Variants in TNFSF4 observed in about 807,000 individuals in gnomAD.
TNFSF4 encodes the protein TNF superfamily member 4.
Under a neutral mutation model 7.3 loss-of-function variants are expected in TNFSF4, and 4 were observed. That is an observed-to-expected ratio of 0.55 (90% CI 0.27 to 1.25). The LOEUF (loss-of-function observed/expected upper bound fraction) is 1.25. Among genes scored for constraint, TNFSF4 ranks in the 50% most tolerant of loss-of-function variants. The pLI is 0.12. For missense variants in TNFSF4, 181 were observed against 208.8 expected (o/e 0.87, Z 0.82); for synonymous variants, 76 against 83.7 (o/e 0.91, Z 0.50).
chr1:173,186,648 C>T lies in TNFSF4; in HGVS notation c.420G>A (p.Val140=), dbSNP rs775081835. ...KKVRSVNSLM[V]ASLTYKDKVY... ...CTTTGTCTTTGTAAGTCAGAGAGGC[C>T]ACCATCAAGGAGTTGACAGACCTGA... Residue 140 remains valine (V), a synonymous_variant, in exon 3 of 3, where the codon GTG becomes GTA. Coordinates refer to ENST00000281834, the MANE Select transcript of TNFSF4 (RefSeq NM_003326.5). The T allele has an allele frequency of 1.9e-6, 3 of 1,614,148 alleles. No homozygotes were observed. The highest frequency in any genetic ancestry group is 1.7e-6 in the Non-Finnish European group (2 of 1,180,014).
the TNFSF4 span, among the ~76,000 whole-genome samples, chr1:173,316,955 C>T: frequency 1.3e-5 from 2 of 152,162 alleles, no homozygotes; most frequent in African/African-American, 2.4e-5. Flanking sequence ...TTCTTTGCTG[C>T]AGCTCTCATT....
the TNFSF4 span, among the ~76,000 whole-genome samples, chr1:173,423,884 G>A: frequency 2.0e-5 from 3 of 152,158 alleles, no homozygotes; most frequent in Non-Finnish European, 4.4e-5. Context: ...AGTTCTGGAG[G>A]CTGGGAAATC....
the TNFSF4 span, among the ~76,000 whole-genome samples, chr1:173,281,125 G>A: frequency 5.3e-5 from 8 of 151,978 alleles, no homozygotes; most frequent in Non-Finnish European, 7.4e-5. Context: ...ACACTAGTAC[G>A]TGAGATGCGC....
At chr1:173,305,942 G>T in the TNFSF4 span, among the ~76,000 whole-genome samples, 3 of 151,712 alleles carry the variant, frequency 2.0e-5, no homozygotes, top group Non-Finnish European at 2.9e-5. Context: ...ATTTGGGTGG[G>T]GCCAGAGAGC....
the TNFSF4 span, among the ~76,000 whole-genome samples, chr1:173,420,267 C>G: frequency 6.6e-6 from 1 of 152,134 alleles, no homozygotes; most frequent in Non-Finnish European, 1.5e-5. Context: ...CCCTCTCAGA[C>G]TCCTTCACTT....
At chr1:173,229,876 G>A in the TNFSF4 span, among the ~76,000 whole-genome samples, 1 of 152,146 alleles carries the variant, frequency 6.6e-6, no homozygotes, top group Non-Finnish European at 1.5e-5. Flanking sequence ...TCAACAAGAA[G>A]AGCTAACTAT....
chr1:173,362,427 C>T, the TNFSF4 span: 4 of 476,274 alleles, frequency 8.4e-6, no homozygotes, highest in Non-Finnish European at 1.6e-5. Context: ...CTTCTTCATC[C>T]AGAGTCTTTT....
the TNFSF4 span, among the ~76,000 whole-genome samples, chr1:173,355,264 C>T: frequency 7.9e-5 from 12 of 152,248 alleles, no homozygotes; most frequent in Admixed American, 2.0e-4. Context: ...TCTCCCCATC[C>T]GAAGGACTCT....
the TNFSF4 span, among the ~76,000 whole-genome samples, chr1:173,395,358 A>G: frequency 7.8e-6 from 1 of 128,678 alleles, no homozygotes; most frequent in Non-Finnish European, 1.6e-5. Flanking sequence ...CATCAAAAAA[A>G]TGTGGTGACT....
chr1:173,416,638 T>TATTCATTTATTTATTTTTTGAGA, the TNFSF4 span, among the ~76,000 whole-genome samples: 1 of 110,084 alleles, frequency 9.1e-6, no homozygotes, highest in South Asian at 3.3e-4. Flanking sequence ...ATTTATTTTT[T>TATTCATTTATTTATTTTTTGAGA]GAGAGAGAGA....
chr1:173,228,736 T>C, the TNFSF4 span, among the ~76,000 whole-genome samples: 3 of 152,282 alleles, frequency 2.0e-5, no homozygotes, highest in South Asian at 6.2e-4. Flanking sequence ...AATCCTTAAA[T>C]GACCTGATGG....
the TNFSF4 span, among the ~76,000 whole-genome samples, chr1:173,223,870 TG>T: frequency 1.3e-5 from 2 of 152,032 alleles, no homozygotes; most frequent in East Asian, 3.9e-4. Flanking sequence ...AAAGAATGGG[TG>T]GTGGCCGAAA....
chr1:173,324,412 C>A, the TNFSF4 span, among the ~76,000 whole-genome samples: 2 of 152,084 alleles, frequency 1.3e-5, no homozygotes, highest in African/African-American at 4.8e-5. Flanking sequence ...CAAAAACATG[C>A]CAAATTGTAA....
the TNFSF4 span, among the ~76,000 whole-genome samples, chr1:173,379,515 G>A: frequency 6.6e-6 from 1 of 152,116 alleles, no homozygotes; most frequent in African/African-American, 2.4e-5. Context: ...ACTCCCTTGA[G>A]GGTCAATTGA....
chr1:173,427,403 C>T, the TNFSF4 span, among the ~76,000 whole-genome samples: 3 of 152,106 alleles, frequency 2.0e-5, no homozygotes, highest in African/African-American at 4.8e-5. Flanking sequence ...CCACAATGCA[C>T]GGGAGAGCCC....
At chr1:173,295,890 T>C in the TNFSF4 span, among the ~76,000 whole-genome samples, 5 of 152,062 alleles carry the variant, frequency 3.3e-5, no homozygotes, top group East Asian at 3.9e-4. Flanking sequence ...TGTATGGCTC[T>C]GATAGGGTCT....
chr1:173,230,396 A>C, the TNFSF4 span, among the ~76,000 whole-genome samples: 128 of 152,358 alleles, frequency 8.4e-4, 1 homozygote, highest in African/African-American at 3.0e-3. Flanking sequence ...ACAAAGACAC[A>C]ACATACCAGA....
chr1:173,370,566 T>A, the TNFSF4 span, among the ~76,000 whole-genome samples: 3 of 152,134 alleles, frequency 2.0e-5, no homozygotes, highest in African/African-American at 7.2e-5. Flanking sequence ...TGGGAGGCCT[T>A]AAGAATATAT....
chr1:173,434,624 T>C, the TNFSF4 span, among the ~76,000 whole-genome samples: 1 of 152,194 alleles, frequency 6.6e-6, no homozygotes, highest in Non-Finnish European at 1.5e-5. Context: ...TTGGGAGGTT[T>C]GAGGGTCATG....
Sources: allele counts gnomAD v4.1 joint callset (sites outside exome capture counted in the v4.1 genomes callset), GRCh38; gene constraint gnomAD v4.1.1; transcripts MANE v1.5; gene names NCBI Gene and HGNC (gene_info 2026-07-23, HGNC 2026-07-21).